The following ZNF48 variants were observed in gnomAD, a reference collection of about 807,000 sequenced individuals.
ZNF48 encodes zinc finger protein 48, also known as zinc finger protein 553.
Under a neutral mutation model 40.0 loss-of-function variants are expected in ZNF48, and 20 were observed. That is an observed-to-expected ratio of 0.50 (90% confidence interval 0.35 to 0.73). The LOEUF is 0.73. Among genes scored for constraint, ZNF48 ranks in the 30% least tolerant of loss-of-function variants. The probability of loss-of-function intolerance (pLI) is 0.01; values close to 1 mark genes in which losing one functional copy is unlikely to be tolerated. For missense variants in ZNF48, 726 were observed against 851.9 expected, an observed-to-expected ratio of 0.85 and a Z score of 1.84; for synonymous variants, 298 against 329.7, an observed-to-expected ratio of 0.90 and a Z score of 1.04.
chr16:30,384,188 C>T (rs929008622), intron 1 of ZNF48, among the ~76,000 whole-genome samples: 2 of 151,698 alleles, frequency 1.3e-5, no homozygotes, highest in Non-Finnish European at 2.9e-5. Flanking sequence ...ACACTCCATC[C>T]TGGGCAACAG....
intron 1 of ZNF48, among the ~76,000 whole-genome samples, chr16:30,387,355 G>GCAA (rs1394156410): frequency 6.8e-6 from 1 of 147,248 alleles, no homozygotes. Context: ...GGGAGTTCAA[G>GCAA]GCCAGCCTGG....
In ZNF48 at chr16:30,395,825, G is replaced by T. The variant is rs1279108868; in HGVS notation, c.31G>T (p.Asp11Tyr). The T allele has an allele frequency of 1.9e-6, 3 of 1,550,758 alleles. No individual in the cohort carries two copies. The highest frequency in any genetic ancestry group is 4.8e-5 in the East Asian group (2 of 41,590). Reference protein sequence around the residue: MERAVEPWGPDLHRPEEREPQ... With the variant: MERAVEPWGPYLHRPEEREPQ... ...GCGCGCGGTAGAGCCTTGGGGCCCA[G>T]ATCTCCACCGCCCGGAGGAGAGGGA... The change falls in exon 2 of 3, where the codon GAT becomes TAT. Residue 11 changes from aspartate (D) to tyrosine (Y), a missense_variant. Transcript: ENST00000613509. This position sits in a 1 kb window ranked among gnomAD's most constrained non-coding sequence, Gnocchi z 5.9.
At chr16:30,395,232 C>A (rs1483042661), upstream of ZNF48, 1 of 456,158 alleles carries the variant, frequency 2.2e-6, no homozygotes, top group African/African-American at 2.0e-5. This position sits in a 1 kb window ranked among gnomAD's most constrained non-coding sequence, Gnocchi z 5.9. Flanking sequence ...CACCCAGCTG[C>A]AGCCCAGGAG....
chr16:30,390,633 T>TGAGATGGAG (rs2049935685), upstream of ZNF48, among the ~76,000 whole-genome samples: 1 of 121,002 alleles, frequency 8.3e-6, no homozygotes, highest in African/African-American at 2.8e-5. Flanking sequence ...TTTTTTTTTT[T>TGAGATGGAG]TTTTTTGAGA....
chr16:30,398,717 T>C lies in ZNF48; in HGVS notation c.1467T>C (p.Ala489=). ...YLCPECGKGF[A]DSSARVKHLR... ...GTCCTGAATGCGGCAAGGGTTTTGC[T>C]GACAGCTCAGCCCGAGTCAAGCACC... is the stretch of plus-strand genomic sequence containing the variant. Residue 489 remains alanine (A), a synonymous_variant, in exon 3 of 3, where the codon GCT becomes GCC. Transcript: ENST00000613509. This position sits in a 1 kb window ranked among gnomAD's most constrained non-coding sequence, Gnocchi z 6.6. The C allele has an allele frequency of 6.2e-7, 1 of 1,608,670 alleles. No homozygotes were observed. The highest frequency in any genetic ancestry group is 8.5e-7 in the Non-Finnish European group (1 of 1,178,082).
intron 1 of ZNF48, among the ~76,000 whole-genome samples, chr16:30,383,935 T>C (rs1232982639): frequency 1.3e-5 from 2 of 152,142 alleles, no homozygotes; most frequent in African/African-American, 4.8e-5. Flanking sequence ...TCCCAGCACC[T>C]GGCTGGCGTG....
At chr16:30,390,442 C>T (rs1426009145), upstream of ZNF48, among the ~76,000 whole-genome samples, 2 of 151,934 alleles carry the variant, frequency 1.3e-5, no homozygotes, top group Non-Finnish European at 2.9e-5. Flanking sequence ...CGGAGTCTCG[C>T]TCTGTCGCCC....
At position 30,381,105 on chromosome 16, in the gene ZNF48, G is replaced by A. The variant is rs760476732; in HGVS notation, c.-16+2695G>A. On this transcript the variant is annotated intron_variant, in intron 1 of 2. Transcript: ENST00000528032. This position sits in a 1 kb window ranked among gnomAD's most constrained non-coding sequence, Gnocchi z 4.3. ...AGGTTTGGCTTCACATGGGGTCAAA[G>A]GTCAGAGGTCATCACTCACACCTTC... 2 of 1,580,690 alleles carry A rather than the reference G, an allele frequency of 1.3e-6. No individual in the cohort carries two copies. The highest frequency in any genetic ancestry group is 2.2e-5 in the East Asian group (1 of 44,724).
At chr16:30,389,048 C>G (rs1047010704) in intron 1 of ZNF48, among the ~76,000 whole-genome samples, 1 of 152,098 alleles carries the variant, frequency 6.6e-6, no homozygotes, top group Non-Finnish European at 1.5e-5. Flanking sequence ...ATCATGAGAT[C>G]AGGAGTTCGA....
intron 1 of ZNF48, chr16:30,378,823 G>A: frequency 9.5e-7 from 1 of 1,049,482 alleles, no homozygotes; most frequent in Non-Finnish European, 1.4e-6. Flanking sequence ...CTTGAGGTTA[G>A]GGCCGGAGGC....
chr16:30,379,944 A>T, intron 1 of ZNF48: 1 of 1,551,528 alleles, frequency 6.4e-7, no homozygotes, highest in Non-Finnish European at 8.9e-7. Flanking sequence ...TCATCTCTGC[A>T]TCCTGCCTCT....
In ZNF48 at chr16:30,378,875, AGAGG is replaced by A. The variant is rs1212421895; in HGVS notation, c.-16+489_-16+492del. On this transcript the variant is annotated intron_variant, in intron 1 of 2. Coordinates refer to the ZNF48 transcript ENST00000528032. Reference sequence around the variant, plus strand: ...GAGGGGGAGAGAGGGAGAGACGGAGAGAGGGAGGGAGGGAGGGAGGGAGGGAGAG... The same window carrying A: ...GAGGGGGAGAGAGGGAGAGACGGAGAGAGGGAGGGAGGGAGGGAGGGAGAG... 4.0e-3 allele frequency: 1,620 copies of A among 408,066 alleles called. 25 individuals carry two copies. The highest frequency in any genetic ancestry group is 0.036 in the African/African-American group (1,120 of 30,702). The allele number at this position is 408,066 out of a possible 1,614,324, so 25.3% of individuals were successfully genotyped here. A position where few individuals can be genotyped will look rare whatever the true frequency, so the allele number is the denominator to read the frequency against.
chr16:30,379,251 G>A (rs1405992184), intron 1 of ZNF48: 2 of 1,583,594 alleles, frequency 1.3e-6, no homozygotes, highest in African/African-American at 2.7e-5. Context: ...CGTAAGGGTC[G>A]GGTCTACAGG....
chr16:30,378,365 T>C, exon 1 of ZNF48: 2 of 1,407,146 alleles, frequency 1.4e-6, no homozygotes, highest in Non-Finnish European at 1.9e-6. Flanking sequence ...CTGGGCAGTG[T>C]GGGGCGCGGG....
At chr16:30,378,575 G>T in intron 1 of ZNF48, 1 of 1,609,264 alleles carries the variant, frequency 6.2e-7, no homozygotes, top group Non-Finnish European at 8.5e-7. Flanking sequence ...GGGGACCTGG[G>T]GCATCGGTCG....
chr16:30,379,992 C>T (rs1174673089), intron 1 of ZNF48: 4 of 1,612,224 alleles, frequency 2.5e-6, no homozygotes, highest in Non-Finnish European at 3.4e-6. Context: ...ATTCGGGGAA[C>T]TGGTAGATGT....
intron 1 of ZNF48, among the ~76,000 whole-genome samples, chr16:30,385,798 T>C (rs2049896647): frequency 1.3e-5 from 2 of 151,556 alleles, no homozygotes; most frequent in African/African-American, 4.9e-5. Flanking sequence ...CTCTGAGTTA[T>C]TCAACAGCCT....
At chr16:30,379,314 C>T (rs2049805234) in intron 1 of ZNF48, 3 of 1,434,556 alleles carry the variant, frequency 2.1e-6, no homozygotes, top group Non-Finnish European at 2.9e-6. Context: ...CCCAGCGACC[C>T]CCCTTTCCTC....
At chr16:30,392,670 G>A (rs2049952081), upstream of ZNF48, among the ~76,000 whole-genome samples, 5 of 152,288 alleles carry the variant, frequency 3.3e-5, no homozygotes, top group Middle Eastern at 0.01. Flanking sequence ...GGAAACAGAA[G>A]CTTAAGTAAC....
Sources: gnomAD v4.1 joint callset for allele counts (sites outside exome capture counted in the v4.1 genomes callset) on GRCh38, gnomAD v4.1.1 for gene constraint, Gnocchi (gnomAD v3.1) non-coding constraint, MANE v1.5 for transcripts, NCBI Gene and HGNC (gene_info 2026-07-23, HGNC 2026-07-21) for gene names.